Variants in TEAD4 observed in about 807,000 individuals in gnomAD.
TEAD4 encodes the protein TEA domain transcription factor 4.
In TEAD4, 36 loss-of-function variants were observed where a neutral mutation model predicts 52.4. The ratio of observed to expected loss-of-function variants is 0.69; its 90% CI spans 0.53 to 0.91. The LOEUF is 0.91. Ranked by LOEUF, TEAD4 falls within the 40% of genes least tolerant of loss-of-function variation. The probability of loss-of-function intolerance (pLI) is 0.00; values close to 1 mark genes in which losing one functional copy is unlikely to be tolerated. For missense variants in TEAD4, 508 were observed against 583.9 expected, an observed-to-expected ratio of 0.87 and a Z score of 1.34; for synonymous variants, 220 against 231.0, an observed-to-expected ratio of 0.95 and a Z score of 0.43.
intron 8 of TEAD4, among the ~76,000 whole-genome samples, 164 bp from the exon 9 acceptor site, chr12:3,020,470 C>G (rs569135630): frequency 1.3e-5 from 2 of 152,204 alleles, no homozygotes; most frequent in Admixed American, 1.3e-4. Context: ...CTGGCCCAAG[C>G]CTGGCACTCC....
At chr12:3,027,639 G>A (rs1354844030) in intron 10 of TEAD4, among the ~76,000 whole-genome samples, 2 of 152,206 alleles carry the variant, frequency 1.3e-5, no homozygotes, top group Non-Finnish European at 2.9e-5. Flanking sequence ...GGACGAGGCG[G>A]GTGGATTGCT....
At chr12:3,032,227 G>A (rs1409340889) in intron 10 of TEAD4, among the ~76,000 whole-genome samples, 1 of 152,234 alleles carries the variant, frequency 6.6e-6, no homozygotes, top group Admixed American at 6.5e-5. Flanking sequence ...GGAGTTTGGA[G>A]GTGGGGGTTG....
chr12:3,010,997 T>C lies in TEAD4; in HGVS notation c.227-7T>C. 1 of 1,614,042 alleles carries C rather than the reference T, an allele frequency of 6.2e-7. No homozygotes were observed. The highest frequency in any genetic ancestry group is 8.5e-7 in the Non-Finnish European group (1 of 1,179,958). On this transcript the variant is annotated splice_region_variant and splice_polypyrimidine_tract_variant and intron_variant, in intron 3 of 12. Coordinates refer to ENST00000359864, the MANE Select transcript of TEAD4 (RefSeq NM_003213.4). ...TCTCCACTGAGAGGCTGCTGGTGTCTCTGCAGGTCGGAACGAGCTGATTGC... is the reference window on the plus strand; with the variant it reads ...TCTCCACTGAGAGGCTGCTGGTGTCCCTGCAGGTCGGAACGAGCTGATTGC...
intron 10 of TEAD4, among the ~76,000 whole-genome samples, chr12:3,037,706 TTAA>T (rs2098280244): frequency 1.3e-5 from 2 of 152,156 alleles, no homozygotes; most frequent in Non-Finnish European, 2.9e-5. Context: ...GCTGGGTGTG[TTAA>T]TATCTGGGCA....
chr12:2,998,304 C>T (rs1158143538), intron 3 of TEAD4, among the ~76,000 whole-genome samples: 1 of 152,044 alleles, frequency 6.6e-6, no homozygotes, highest in Non-Finnish European at 1.5e-5. Flanking sequence ...ATTTCTGTCC[C>T]TGCTTCACAT....
At chr12:2,970,367 G>T (rs966257320) in intron 2 of TEAD4, among the ~76,000 whole-genome samples, 5 of 152,186 alleles carry the variant, frequency 3.3e-5, no homozygotes, top group African/African-American at 1.2e-4. Context: ...CTTAACACCT[G>T]GGTGGGATAA....
intron 10 of TEAD4, among the ~76,000 whole-genome samples, chr12:3,033,825 T>C (rs547183914): frequency 6.6e-6 from 1 of 152,192 alleles, no homozygotes; most frequent in East Asian, 1.9e-4. Flanking sequence ...GTAGCTTGTT[T>C]TGGGTGGTTG....
chr12:3,036,777 G>A (rs2098279674), intron 10 of TEAD4, among the ~76,000 whole-genome samples: 2 of 152,232 alleles, frequency 1.3e-5, no homozygotes, highest in Middle Eastern at 6.8e-3. Flanking sequence ...CTGGGCATGG[G>A]GACCCCTAAG....
At chr12:2,981,694 G>C (rs1003370196) in intron 2 of TEAD4, among the ~76,000 whole-genome samples, 1 of 152,152 alleles carries the variant, frequency 6.6e-6, no homozygotes, top group South Asian at 2.1e-4. Flanking sequence ...CTGTTGGCAG[G>C]AATTAAATTA....
chr12:2,994,664 C>A lies in TEAD4; in HGVS notation c.-29-74C>A, dbSNP rs924772345. ...GCAACTGATTCGGGCTCTGGCACTC[C>A]CCGGAGTGCCTTCATCCCGTGGCCC... is the stretch of plus-strand genomic sequence containing the variant. On this transcript the variant is annotated intron_variant, in intron 2 of 12. Coordinates refer to ENST00000359864, the MANE Select transcript of TEAD4 (RefSeq NM_003213.4). The surrounding 1 kb of genome is among the most constrained non-coding windows in gnomAD (Gnocchi z 4.7). 7.5e-6 allele frequency: 11 copies of A among 1,463,960 alleles called. No homozygotes were observed. Among genetic ancestry groups the A allele is most frequent in the Middle Eastern group, 5.0e-4 (2 of 4,014 alleles). The allele number at this position is 1,463,960 out of a possible 1,614,324, so 90.7% of individuals were successfully genotyped here.
intron 5 of TEAD4, among the ~76,000 whole-genome samples, chr12:3,013,464 C>T (rs996376797): frequency 1.3e-4 from 19 of 151,960 alleles, no homozygotes; most frequent in East Asian, 1.9e-4. Context: ...GGAGGCCAGG[C>T]GCGGTGGCTC....
At chr12:2,978,476 G>A (rs926734080) in intron 2 of TEAD4, among the ~76,000 whole-genome samples, 4 of 151,520 alleles carry the variant, frequency 2.6e-5, no homozygotes, top group South Asian at 2.1e-4. Context: ...GCAGTGGTGC[G>A]ATCTTGGCTC....
At chr12:2,977,575 C>A (rs1471417612) in intron 2 of TEAD4, among the ~76,000 whole-genome samples, 1 of 152,218 alleles carries the variant, frequency 6.6e-6, no homozygotes, top group Non-Finnish European at 1.5e-5. Flanking sequence ...TTTTCTCAAT[C>A]CTCAGTGGCT....
intron 10 of TEAD4, among the ~76,000 whole-genome samples, chr12:3,034,495 G>T (rs2098278056): frequency 6.6e-6 from 1 of 152,148 alleles, no homozygotes; most frequent in Non-Finnish European, 1.5e-5. Flanking sequence ...GTAATAGAGG[G>T]GGATCTGCCA....
chr12:2,990,763 G>A (rs567173581), intron 2 of TEAD4, among the ~76,000 whole-genome samples: 12 of 152,156 alleles, frequency 7.9e-5, no homozygotes, highest in African/African-American at 2.9e-4. Context: ...ACTTCGCCTG[G>A]CCCAGAGAAC....
intron 2 of TEAD4, among the ~76,000 whole-genome samples, chr12:2,991,840 T>C (rs2098243226): frequency 6.6e-6 from 1 of 151,836 alleles, no homozygotes; most frequent in Admixed American, 6.6e-5. Context: ...GCAACACTTG[T>C]TACACTAAAA....
In TEAD4 at chr12:3,019,108, C is replaced by G. The variant is rs1432139234; in HGVS notation, c.528-7C>G. 6.2e-7 allele frequency: 1 copy of G among 1,613,930 alleles called. No individual in the cohort carries two copies. The highest frequency in any genetic ancestry group is 8.5e-7 in the Non-Finnish European group (1 of 1,179,970). ...GGCTGACACCTCCCCTCCTCTCTCT[C>G]CCGCAGTGTGAAGCCTTTCTCTCAG... On this transcript the variant is annotated splice_polypyrimidine_tract_variant and splice_region_variant and intron_variant, in intron 7 of 12. Coordinates refer to ENST00000359864, the MANE Select transcript of TEAD4 (RefSeq NM_003213.4).
At chr12:2,995,127 C>T (rs1192655436) in intron 3 of TEAD4, 135 bp downstream of exon 3, 4 of 1,178,134 alleles carry the variant, frequency 3.4e-6, no homozygotes, top group East Asian at 2.6e-5. Context: ...GCTTTCTTCC[C>T]TCCTGGGCTC....
At chr12:2,979,305 C>T (rs966852584) in intron 2 of TEAD4, among the ~76,000 whole-genome samples, 1 of 152,224 alleles carries the variant, frequency 6.6e-6, no homozygotes, top group Non-Finnish European at 1.5e-5. Flanking sequence ...ATTTGGGCTG[C>T]TTCCCCTTTT....
Sources: allele counts gnomAD v4.1 joint callset (sites outside exome capture counted in the v4.1 genomes callset), GRCh38; gene constraint gnomAD v4.1.1; non-coding constraint Gnocchi (gnomAD v3.1); transcripts MANE v1.5; gene names NCBI Gene and HGNC (gene_info 2026-07-23, HGNC 2026-07-21).